The following LIMS1 variants were observed in gnomAD, a reference collection of about 807,000 sequenced individuals.
LIMS1 encodes LIM and senescent cell antigen-like-containing domain protein 1.
LIMS1 carries 18 observed loss-of-function variants against 44.1 expected under a neutral mutation model. The observed-to-expected ratio is 0.41, with a 90% CI of 0.28 to 0.61. LIMS1 has a LOEUF of 0.61. Among genes scored for constraint, LIMS1 ranks in the 20% least tolerant of loss-of-function variants. The pLI is 0.32. For missense variants in LIMS1, 201 were observed against 422.0 expected (o/e 0.48, Z 4.59); for synonymous variants, 93 against 149.1 (o/e 0.62, Z 2.74).
At position 108,670,574 on chromosome 2, in the gene LIMS1, A is replaced by G. The variant is rs534519573; in HGVS notation, c.193-207A>G. Among the ~76,000 whole-genome samples, 8 of 152,274 alleles carry G rather than the reference A, an allele frequency of 5.3e-5. No homozygotes were observed. The East Asian group carries it at 1.5e-3, about 29-fold the overall frequency. ...AGGTGTACTGTTCACTCTAGCCTCT[A>G]CTTATTCCATATGTCTTTCCTGTAC... On this transcript the variant is annotated intron_variant, in intron 2 of 9. Transcript: ENST00000544547.
chr2:108,547,637 G>A (rs1684525122), intron 1 of LIMS1, among the ~76,000 whole-genome samples: 1 of 152,152 alleles, frequency 6.6e-6, no homozygotes. Context: ...GGCTTGTGTT[G>A]AACGCCTCTT....
intron 1 of LIMS1, among the ~76,000 whole-genome samples, chr2:108,558,189 T>C (rs1467640368): frequency 2.0e-5 from 3 of 152,002 alleles, no homozygotes; most frequent in African/African-American, 4.8e-5. Context: ...GTATCGGTTA[T>C]ATCAGCCCAC....
chr2:108,608,107 C>T (rs1012061440), intron 1 of LIMS1, among the ~76,000 whole-genome samples: 3 of 152,212 alleles, frequency 2.0e-5, no homozygotes, highest in Non-Finnish European at 4.4e-5. Context: ...TCAGTTTCCT[C>T]TTCCAATCAC....
intron 1 of LIMS1, among the ~76,000 whole-genome samples, chr2:108,613,248 AT>A (rs1301113748): frequency 6.6e-6 from 1 of 152,208 alleles, no homozygotes; most frequent in African/African-American, 2.4e-5. Flanking sequence ...ACAAGCAAAC[AT>A]TTTTATGTCC....
intron 1 of LIMS1, among the ~76,000 whole-genome samples, chr2:108,615,024 A>G (rs929963618): frequency 8.5e-5 from 13 of 152,172 alleles, no homozygotes; most frequent in Non-Finnish European, 1.3e-4. Flanking sequence ...TTTTTTTGTA[A>G]TGACGATTTA....
intron 1 of LIMS1, among the ~76,000 whole-genome samples, chr2:108,547,415 C>T (rs1684516908): frequency 6.6e-6 from 1 of 152,142 alleles, no homozygotes; most frequent in Non-Finnish European, 1.5e-5. Flanking sequence ...AGAGGGTGGA[C>T]ACTCTCTTGG....
chr2:108,623,093 T>C (rs1473176053), intron 1 of LIMS1, among the ~76,000 whole-genome samples: 2 of 152,134 alleles, frequency 1.3e-5, no homozygotes, highest in East Asian at 3.9e-4. Flanking sequence ...GATGTAGTTA[T>C]CTGGTCATAG....
chr2:108,547,927 A>C (rs1467388875), intron 1 of LIMS1, among the ~76,000 whole-genome samples: 1 of 152,224 alleles, frequency 6.6e-6, no homozygotes. Flanking sequence ...TCATCCGTCA[A>C]ATGAGCAGCC....
chr2:108,571,493 G>A (rs1204892550), intron 1 of LIMS1, among the ~76,000 whole-genome samples: 1 of 152,094 alleles, frequency 6.6e-6, no homozygotes, highest in Non-Finnish European at 1.5e-5. Flanking sequence ...TTATAAACAG[G>A]AAATATACCT....
chr2:108,558,787 C>G (rs1355531390), intron 1 of LIMS1, among the ~76,000 whole-genome samples: 1 of 151,642 alleles, frequency 6.6e-6, no homozygotes, highest in Non-Finnish European at 1.5e-5. Flanking sequence ...TCTCTTGCCT[C>G]AGCCTCTCGA....
At chr2:108,682,236 G>A (rs751294331) in intron 9 of LIMS1, among the ~76,000 whole-genome samples, 24 of 152,160 alleles carry the variant, frequency 1.6e-4, no homozygotes, top group Non-Finnish European at 3.5e-4. Context: ...AATGAGGCCG[G>A]GCATGGTGGC....
At chr2:108,563,151 G>A (rs1685181269) in intron 1 of LIMS1, among the ~76,000 whole-genome samples, 1 of 152,206 alleles carries the variant, frequency 6.6e-6, no homozygotes, top group Non-Finnish European at 1.5e-5. Context: ...CAATGCATCT[G>A]ATCACCTAAG....
chr2:108,652,185 A>G (rs1476450983), intron 1 of LIMS1, among the ~76,000 whole-genome samples: 36 of 151,698 alleles, frequency 2.4e-4, no homozygotes, highest in African/African-American at 8.5e-4. Context: ...TTACCATACA[A>G]CTCAGCAATT....
At chr2:108,614,464 T>C (rs1207449642) in intron 1 of LIMS1, among the ~76,000 whole-genome samples, 2 of 152,162 alleles carry the variant, frequency 1.3e-5, no homozygotes, top group African/African-American at 4.8e-5. Flanking sequence ...TTTCATTCAG[T>C]GGTAGATCAT....
At chr2:108,637,307 G>A (rs1689347271) in intron 1 of LIMS1, among the ~76,000 whole-genome samples, 1 of 152,124 alleles carries the variant, frequency 6.6e-6, no homozygotes, top group South Asian at 2.1e-4. Context: ...TGACTCAAGT[G>A]AAATGTTTTT....
intron 1 of LIMS1, among the ~76,000 whole-genome samples, chr2:108,653,831 T>C (rs1573562883): frequency 8.1e-6 from 1 of 123,188 alleles, no homozygotes; most frequent in Non-Finnish European, 1.7e-5. Flanking sequence ...TCCAGTAAGG[T>C]GGAACAATTC....
intron 1 of LIMS1, among the ~76,000 whole-genome samples, chr2:108,629,211 G>A (rs1189123843): frequency 1.3e-5 from 2 of 152,330 alleles, no homozygotes; most frequent in South Asian, 4.1e-4. Context: ...ATTCGTATGC[G>A]TGGAACTAGA....
exon 8 of LIMS1, chr2:108,678,018 G>A: frequency 6.2e-7 from 1 of 1,604,532 alleles, no homozygotes; most frequent in South Asian, 1.1e-5. Context: ...TCGTGTTATA[G>A]AAGGTGATGG....
intron 1 of LIMS1, among the ~76,000 whole-genome samples, chr2:108,551,606 A>ATG (rs1553450777): frequency 7.2e-6 from 1 of 139,002 alleles, no homozygotes; most frequent in Non-Finnish European, 1.5e-5. Context: ...CTATATATAT[A>ATG]TGTATATATA....
Sources: gnomAD v4.1 joint callset for allele counts (sites outside exome capture counted in the v4.1 genomes callset) on GRCh38, gnomAD v4.1.1 for gene constraint, MANE v1.5 for transcripts, NCBI Gene and HGNC (gene_info 2026-07-23, HGNC 2026-07-21) for gene names.